PPHLN1: variants seen among roughly 807,000 people sequenced by gnomAD.
The protein encoded by PPHLN1 is periphilin-1.
In PPHLN1, 29 loss-of-function variants were observed where a neutral mutation model predicts 51.3. That is an observed-to-expected ratio of 0.57 (90% confidence interval 0.42 to 0.77). The LOEUF (loss-of-function observed/expected upper bound fraction) is 0.77. PPHLN1 is among the 30% of genes least tolerant of loss of function. The pLI is 0.00. For missense variants in PPHLN1, 436 were observed against 438.4 expected (o/e 0.99, Z 0.05); for synonymous variants, 147 against 147.8 (o/e 0.99, Z 0.04).
intron 4 of PPHLN1, among the ~76,000 whole-genome samples, chr12:42,371,758 T>A (rs1431763777): frequency 3.9e-5 from 6 of 152,230 alleles, no homozygotes. Context: ...AAAAAGAGAA[T>A]GTAAAATAGC....
At chr12:42,355,592 GA>G (rs61046280) in intron 4 of PPHLN1, 1 of 152,132 alleles carries the variant, frequency 6.6e-6, no homozygotes, top group South Asian at 1.9e-4. Flanking sequence ...CAAAAAAAAA[GA>G]AAAAAAAATT....
chr12:42,405,927 T>G (rs995583310), intron 9 of PPHLN1, among the ~76,000 whole-genome samples: 7 of 152,136 alleles, frequency 4.6e-5, no homozygotes, highest in African/African-American at 1.7e-4. Flanking sequence ...GTTGTTAATC[T>G]GAGTGATTTT....
At chr12:42,329,381 A>G (rs1345236068) in intron 1 of PPHLN1, among the ~76,000 whole-genome samples, 1 of 152,102 alleles carries the variant, frequency 6.6e-6, no homozygotes, top group African/African-American at 2.4e-5. Context: ...CTGGGATTAC[A>G]AGCGTGAGCC....
chr12:42,445,386 G>A (rs2083255745), downstream of PPHLN1: 3 of 460,620 alleles, frequency 6.5e-6, no homozygotes, highest in African/African-American at 6.0e-5. Context: ...TTCAACAGGT[G>A]TTAACCCTAG....
intron 5 of PPHLN1, among the ~76,000 whole-genome samples, chr12:42,379,013 G>GT (rs34276198): frequency 2.0e-5 from 3 of 151,284 alleles, no homozygotes; most frequent in Non-Finnish European, 4.4e-5. Flanking sequence ...AGGTAAAATT[G>GT]TTTTTTTTAT....
chr12:42,423,100 G>A (rs1031522205), intron 9 of PPHLN1, among the ~76,000 whole-genome samples: 2 of 152,228 alleles, frequency 1.3e-5, no homozygotes, highest in East Asian at 3.9e-4. Context: ...TTCTTGGAAG[G>A]AACTTAATAT....
intron 3 of PPHLN1, among the ~76,000 whole-genome samples, chr12:42,352,672 G>A (rs1458182728): frequency 6.6e-6 from 1 of 151,912 alleles, no homozygotes; most frequent in Admixed American, 6.6e-5. Context: ...TGATCAAGTG[G>A]GAGGCCCACC....
intron 7 of PPHLN1, among the ~76,000 whole-genome samples, chr12:42,392,036 G>A (rs1298061085): frequency 6.6e-6 from 1 of 152,136 alleles, no homozygotes; most frequent in African/African-American, 2.4e-5. Context: ...GGCCAACGTG[G>A]TGAAATCCTG....
In PPHLN1 at chr12:42,354,490, G is replaced by T. The variant is rs58902406; in HGVS notation, c.238-671G>T. Among the ~76,000 whole-genome samples, 1,389 of 152,270 alleles carry T rather than the reference G, an allele frequency of 9.1e-3. 22 individuals are homozygous for T. The highest frequency in any genetic ancestry group is 0.031 in the African/African-American group (1,292 of 41,540). The stretch of plus-strand genomic sequence containing the variant: ...ATCCTAAAGTGCTGGAATTACAGGC[G>T]TGAGCCACTGCGCCTGGCCAATTCT... On this transcript the variant is annotated intron_variant, in intron 3 of 9. Transcript: ENST00000358314.
At chr12:42,399,241 G>C in intron 9 of PPHLN1, 1 of 1,049,114 alleles carries the variant, frequency 9.5e-7, no homozygotes, top group Non-Finnish European at 1.2e-6. Flanking sequence ...ATTCTAGTTA[G>C]TATGAAGCAA....
chr12:42,405,252 A>G (rs185068062), intron 9 of PPHLN1, among the ~76,000 whole-genome samples: 2 of 152,254 alleles, frequency 1.3e-5, no homozygotes, highest in Admixed American at 1.3e-4. Context: ...GTCATCTCTC[A>G]TTTTTAAGAT....
intron 2 of PPHLN1, chr12:42,347,323 T>A (rs569716273): frequency 7.9e-5 from 12 of 152,282 alleles, no homozygotes; most frequent in Non-Finnish European, 1.5e-4. Flanking sequence ...TTCCGAACAT[T>A]TCAGTAGTAC....
At chr12:42,376,408 A>G (rs1038985761) in intron 5 of PPHLN1, among the ~76,000 whole-genome samples, 5 of 152,262 alleles carry the variant, frequency 3.3e-5, no homozygotes, top group Non-Finnish European at 7.3e-5. Flanking sequence ...AGAGATAGAT[A>G]GAGTGGGGCT....
At chr12:42,442,706 AC>A (rs1046295707), downstream of PPHLN1, 4 of 1,613,864 alleles carry the variant, frequency 2.5e-6, no homozygotes, top group African/African-American at 4.0e-5. Context: ...TCACGACGGA[AC>A]CCCCGAAAAC....
At chr12:42,357,304 AAG>A (rs2074149916) in intron 4 of PPHLN1, among the ~76,000 whole-genome samples, 1 of 152,184 alleles carries the variant, frequency 6.6e-6, no homozygotes, top group African/African-American at 2.4e-5. Context: ...ACTAATATGA[AAG>A]AGTAAAGGGC....
At chr12:42,390,794 A>AT (rs1005477620) in intron 7 of PPHLN1, among the ~76,000 whole-genome samples, 45 of 102,204 alleles carry the variant, frequency 4.4e-4, no homozygotes, top group African/African-American at 1.1e-3. Context: ...AAATGTTTGC[A>AT]TTTTTTTTTT....
intron 9 of PPHLN1, among the ~76,000 whole-genome samples, chr12:42,435,769 T>C (rs578145850): frequency 4.6e-5 from 7 of 152,328 alleles, no homozygotes; most frequent in African/African-American, 1.7e-4. Context: ...TATTTTCCAC[T>C]TTAATGGTAA....
chr12:42,425,377 C>T (rs562424257), intron 9 of PPHLN1, among the ~76,000 whole-genome samples: 30 of 150,568 alleles, frequency 2.0e-4, no homozygotes, highest in Non-Finnish European at 3.1e-4. Context: ...AGGCGTGAGC[C>T]ACTGCGCCCA....
At chr12:42,415,265 G>A (rs573999108) in intron 9 of PPHLN1, among the ~76,000 whole-genome samples, 5 of 152,242 alleles carry the variant, frequency 3.3e-5, no homozygotes, top group South Asian at 2.1e-4. Flanking sequence ...TCTGCCTCCC[G>A]GGTTCAAGCA....
Sources: gnomAD v4.1 joint callset for allele counts (sites outside exome capture counted in the v4.1 genomes callset) on GRCh38, gnomAD v4.1.1 for gene constraint, MANE v1.5 for transcripts, NCBI Gene and HGNC (gene_info 2026-07-23, HGNC 2026-07-21) for gene names.